Variants in MCU observed in about 807,000 individuals in gnomAD.
MCU encodes the protein calcium uniporter protein, mitochondrial.
A neutral mutation model predicts 45.2 loss-of-function variants in MCU; 12 were observed. That is an observed-to-expected ratio of 0.27 (90% CI 0.17 to 0.43). MCU has a LOEUF of 0.43. MCU is among the 20% of genes least tolerant of loss of function. MCU has a pLI of 1.00. For missense variants in MCU, 324 were observed against 436.7 expected (o/e 0.74, Z 2.30); for synonymous variants, 160 against 165.1 (o/e 0.97, Z 0.24).
Position 72,693,017 on chromosome 10 carries a change from C to G in MCU, c.150+716C>G, listed in dbSNP as rs756880230. The G allele has an allele frequency of 5.9e-6, 9 of 1,535,990 alleles. No individual in the cohort carries two copies. In the East Asian group the frequency reaches 2.2e-4, roughly 38 times the overall value. ...GGGCTACTGTATAAGCGTGTTCACG[C>G]GTGCCTGAAGCGGGAAGGGTGGTCA... On this transcript the variant is annotated intron_variant, in intron 1 of 7. Coordinates refer to ENST00000373053, the MANE Select transcript of MCU (RefSeq NM_138357.3).
intron 6 of MCU, among the ~76,000 whole-genome samples, chr10:72,875,990 A>G (rs575840029): frequency 6.6e-6 from 1 of 152,322 alleles, no homozygotes; most frequent in East Asian, 1.9e-4. Flanking sequence ...GATAAACAGT[A>G]TATTAAACCT....
In MCU at chr10:72,825,659, T is replaced by G. The variant is rs542943170; in HGVS notation, c.151-8700T>G. On this transcript the variant is annotated intron_variant, in intron 1 of 7. Transcript: ENST00000373053. ...AAAGAGGTTGATTTTTCAAACCAAA[T>G]AAATACAAAGTAATTGATAGACAAG... Among the ~76,000 whole-genome samples, 6 of 152,248 alleles carry G rather than the reference T, an allele frequency of 3.9e-5. No homozygotes were observed. The South Asian group carries it at 8.3e-4, about 21-fold the overall frequency.
At chr10:72,744,051 CA>C (rs1221901185) in intron 1 of MCU, among the ~76,000 whole-genome samples, 1 of 150,582 alleles carries the variant, frequency 6.6e-6, no homozygotes, top group East Asian at 1.9e-4. Flanking sequence ...GTATGTAAAA[CA>C]TATATATGTT....
chr10:72,718,827 TA>T (rs1173062524), intron 1 of MCU, among the ~76,000 whole-genome samples: 1 of 152,244 alleles, frequency 6.6e-6, no homozygotes, highest in Non-Finnish European at 1.5e-5. Context: ...TACAACTACA[TA>T]TAAAAATGCA....
intron 1 of MCU, among the ~76,000 whole-genome samples, chr10:72,702,067 C>T (rs1007268551): frequency 1.3e-5 from 2 of 151,318 alleles, no homozygotes; most frequent in African/African-American, 4.9e-5. Context: ...TAGTGAAACC[C>T]CATCTCTATT....
intron 1 of MCU, among the ~76,000 whole-genome samples, chr10:72,802,432 A>G (rs1249729289): frequency 6.6e-6 from 1 of 150,560 alleles, no homozygotes; most frequent in Non-Finnish European, 1.5e-5. Context: ...AAAAAAGATG[A>G]GTGACTCAGA....
intron 1 of MCU, among the ~76,000 whole-genome samples, chr10:72,776,482 A>G (rs1843896003): frequency 1.3e-5 from 2 of 152,234 alleles, no homozygotes; most frequent in East Asian, 1.9e-4. Flanking sequence ...CATTGTTTCA[A>G]CAGATGCTGA....
chr10:72,886,191 T>C lies in MCU; in HGVS notation c.*369T>C, dbSNP rs1407887280. 1 of 163,220 alleles carries C rather than the reference T, an allele frequency of 6.1e-6. No homozygotes were observed. Among genetic ancestry groups the C allele is most frequent in the Non-Finnish European group, 1.3e-5 (1 of 75,348 alleles). 10.1% of individuals were successfully genotyped at this position (163,220 alleles called of 1,614,324 possible). A position where few individuals can be genotyped will look rare whatever the true frequency, so the allele number is the denominator to read the frequency against. On this transcript the variant is annotated 3_prime_UTR_variant, in exon 8 of 8. Coordinates refer to ENST00000373053, the MANE Select transcript of MCU (RefSeq NM_138357.3). ...ACACCAGCACCCCACTCGACTCTAT[T>C]TGTTTTTAATTTAACTGTCCCTATT... is the stretch of plus-strand genomic sequence containing the variant.
At chr10:72,838,591 G>C (rs561776393) in intron 2 of MCU, among the ~76,000 whole-genome samples, 7 of 152,126 alleles carry the variant, frequency 4.6e-5, no homozygotes, top group Non-Finnish European at 1.0e-4. Context: ...AGCTTTGACT[G>C]CTCACTGCTC....
intron 3 of MCU, 55 bp from the exon 4 acceptor site, chr10:72,860,368 G>C: frequency 7.0e-7 from 1 of 1,419,244 alleles, no homozygotes; most frequent in South Asian, 1.2e-5. Context: ...GAATTTTCCT[G>C]ACCATTCTTG....
At chr10:72,852,739 G>A (rs1044771879) in intron 2 of MCU, among the ~76,000 whole-genome samples, 4 of 152,256 alleles carry the variant, frequency 2.6e-5, no homozygotes, top group Admixed American at 6.5e-5. Context: ...GAGGTTTACA[G>A]AGGAAGGAGC....
At chr10:72,883,793 C>G (rs1176653552) in intron 6 of MCU, among the ~76,000 whole-genome samples, 1 of 152,164 alleles carries the variant, frequency 6.6e-6, no homozygotes, top group Non-Finnish European at 1.5e-5. Flanking sequence ...AAACCTAATA[C>G]TGAGTGAAGG....
intron 2 of MCU, among the ~76,000 whole-genome samples, chr10:72,849,195 C>A (rs1324003699): frequency 6.7e-6 from 1 of 150,276 alleles, no homozygotes; most frequent in South Asian, 2.1e-4. Flanking sequence ...GCAGGAGAAT[C>A]GCTTGAGCCT....
intron 1 of MCU, among the ~76,000 whole-genome samples, chr10:72,695,884 C>T (rs879720805): frequency 3.3e-5 from 5 of 151,538 alleles, no homozygotes; most frequent in African/African-American, 4.9e-5. Flanking sequence ...ATTTTTTTGG[C>T]TGGGTGCGGT....
intron 6 of MCU, among the ~76,000 whole-genome samples, chr10:72,873,402 C>T (rs942160287): frequency 6.6e-6 from 1 of 152,042 alleles, no homozygotes; most frequent in East Asian, 1.9e-4. Flanking sequence ...TGTATGTCTT[C>T]TTTTGAGAAA....
chr10:72,794,835 C>T (rs905712587), intron 1 of MCU, among the ~76,000 whole-genome samples: 17 of 152,106 alleles, frequency 1.1e-4, no homozygotes, highest in African/African-American at 3.9e-4. Context: ...CCCCACCTCC[C>T]GTTTGATAGG....
chr10:72,884,909 A>G (rs1845756046), intron 7 of MCU, among the ~76,000 whole-genome samples: 1 of 152,160 alleles, frequency 6.6e-6, no homozygotes, highest in South Asian at 2.1e-4. Context: ...AAATTTCTGG[A>G]TGTGCCTCCC....
At chr10:72,749,991 G>A (rs1206812066) in intron 1 of MCU, among the ~76,000 whole-genome samples, 15 of 151,480 alleles carry the variant, frequency 9.9e-5, no homozygotes, top group Admixed American at 8.6e-4. Context: ...TGTTGACTGG[G>A]CTGGTCTTGA....
intron 2 of MCU, among the ~76,000 whole-genome samples, chr10:72,842,301 C>T (rs1845059871): frequency 1.3e-5 from 2 of 152,204 alleles, no homozygotes; most frequent in African/African-American, 4.8e-5. Context: ...ATTACCTCCA[C>T]ACAGAAAACC....
Sources: allele counts gnomAD v4.1 joint callset (sites outside exome capture counted in the v4.1 genomes callset), GRCh38; gene constraint gnomAD v4.1.1; transcripts MANE v1.5; gene names NCBI Gene and HGNC (gene_info 2026-07-23, HGNC 2026-07-21).